The following RNF130 variants were observed in gnomAD, a reference collection of about 807,000 sequenced individuals.
RNF130 encodes E3 ubiquitin-protein ligase RNF130.
A neutral mutation model predicts 44.6 loss-of-function variants in RNF130; 21 were observed. That is an observed-to-expected ratio of 0.47 (90% CI 0.33 to 0.68). The LOEUF is 0.68. RNF130 is among the 30% of genes least tolerant of loss of function. RNF130 has a pLI of 0.02. For synonymous variants in RNF130, 214 were observed against 210.4 expected, an observed-to-expected ratio of 1.02 and a Z score of -0.15; for missense variants, 479 against 560.6, an observed-to-expected ratio of 0.85 and a Z score of 1.47.
Position 179,963,543 on chromosome 5 carries a change from C to T in RNF130, c.1172G>A (p.Ser391Asn). 6.2e-7 allele frequency: 1 copy of T among 1,613,666 alleles called. No homozygotes were observed. The highest frequency in any genetic ancestry group is 8.5e-7 in the Non-Finnish European group (1 of 1,179,582). ...AVTKEWFIIA[S>N]FGLLSALTLC... is the part of the protein sequence containing the mutation. Reference sequence around the variant, plus strand: ...TGTGAGGGCACTGAGGAGGCCAAAACTGGCAATAATAAACCATTCTTCTGT... The same window carrying T: ...TGTGAGGGCACTGAGGAGGCCAAAATTGGCAATAATAAACCATTCTTCTGT... Residue 391 changes from serine to asparagine, a missense_variant, in exon 8 of 9, where the codon AGT becomes AAT. By Grantham distance (46) the Ser-to-Asn change is conservative (BLOSUM62 1). This residue lies in a region of RNF130 where 161 missense variants were observed against 158.6 expected (regional missense o/e 1.02). Transcript: ENST00000521389.
At chr5:179,992,280 T>C (rs536638499) in intron 3 of RNF130, among the ~76,000 whole-genome samples, 1 of 152,196 alleles carries the variant, frequency 6.6e-6, no homozygotes, top group Non-Finnish European at 1.5e-5. Context: ...TAGCTGGGAC[T>C]ACAGGCACCC....
intron 7 of RNF130, among the ~76,000 whole-genome samples, chr5:179,937,409 A>G (rs1329457346): frequency 6.6e-6 from 1 of 152,248 alleles, no homozygotes; most frequent in Admixed American, 6.5e-5. Flanking sequence ...AATTCTCCAA[A>G]GAAGATGTAT....
chr5:180,055,439 TTTG>T (rs1214508455), intron 1 of RNF130, among the ~76,000 whole-genome samples: 5 of 57,644 alleles, frequency 8.7e-5, no homozygotes, highest in African/African-American at 2.9e-4. Context: ...GTCAGATGAC[TTTG>T]TGTGTGTGTG....
At chr5:180,062,818 T>C (rs1469042953) in intron 1 of RNF130, among the ~76,000 whole-genome samples, 1 of 152,242 alleles carries the variant, frequency 6.6e-6, no homozygotes, top group African/African-American at 2.4e-5. Context: ...ACTTGTTGAC[T>C]ACTAATGGCC....
At chr5:179,981,083 G>A (rs1561679375) in intron 3 of RNF130, among the ~76,000 whole-genome samples, 1 of 152,138 alleles carries the variant, frequency 6.6e-6, no homozygotes, top group Non-Finnish European at 1.5e-5. Flanking sequence ...TGGGAAAGGC[G>A]TAGGGTTAGG....
At chr5:180,020,819 G>GCTCT (rs1428517482) in intron 2 of RNF130, among the ~76,000 whole-genome samples, 4 of 152,154 alleles carry the variant, frequency 2.6e-5, no homozygotes, top group African/African-American at 9.7e-5. Flanking sequence ...AAGAAGACAA[G>GCTCT]CCACCAATCA....
At chr5:180,060,339 C>T (rs1032398165) in intron 1 of RNF130, among the ~76,000 whole-genome samples, 4 of 152,210 alleles carry the variant, frequency 2.6e-5, no homozygotes, top group African/African-American at 9.6e-5. Flanking sequence ...CTTTTCCTTC[C>T]GTGCAGTGGC....
intron 3 of RNF130, among the ~76,000 whole-genome samples, chr5:179,988,579 G>A (rs191158001): frequency 6.6e-6 from 1 of 151,850 alleles, no homozygotes; most frequent in Non-Finnish European, 1.5e-5. Context: ...GCTGTATCTT[G>A]TAGGTTTTGG....
At chr5:179,947,609 C>G (rs1041443333) in intron 7 of RNF130, among the ~76,000 whole-genome samples, 1 of 152,182 alleles carries the variant, frequency 6.6e-6, no homozygotes, top group Non-Finnish European at 1.5e-5. Flanking sequence ...AGCCTGTTTC[C>G]TCATCTGTAA....
chr5:180,046,299 T>C (rs1413962634), intron 1 of RNF130, among the ~76,000 whole-genome samples: 1 of 151,954 alleles, frequency 6.6e-6, no homozygotes, highest in Non-Finnish European at 1.5e-5. Flanking sequence ...AGTGCAGTGG[T>C]GGGCTGAAGG....
At chr5:180,063,544 A>G (rs539244512) in intron 1 of RNF130, among the ~76,000 whole-genome samples, 1 of 152,334 alleles carries the variant, frequency 6.6e-6, no homozygotes, top group South Asian at 2.1e-4. Context: ...TAAAGATACC[A>G]ATAGGAAGCC....
chr5:179,981,293 G>C (rs910332086), intron 3 of RNF130, among the ~76,000 whole-genome samples: 4 of 152,196 alleles, frequency 2.6e-5, no homozygotes, highest in Non-Finnish European at 5.9e-5. Context: ...GACTGTCCCA[G>C]GCACATCAGG....
chr5:179,998,857 T>TATATATATATATATATATCTATGTATATA (rs1554103671), intron 3 of RNF130, among the ~76,000 whole-genome samples: 1 of 65,232 alleles, frequency 1.5e-5, no homozygotes. Context: ...ATCTAGTATT[T>TATATATATATATATATATCTATGTATATA]TTTATATATA....
At chr5:180,052,479 G>C (rs185946295) in intron 1 of RNF130, among the ~76,000 whole-genome samples, 345 of 152,312 alleles carry the variant, frequency 2.3e-3, no homozygotes, top group African/African-American at 8.0e-3. Flanking sequence ...CCAGAGCAGC[G>C]CCTGAAGGCA....
chr5:180,044,837 A>C (rs1764519817), intron 1 of RNF130, among the ~76,000 whole-genome samples: 1 of 152,018 alleles, frequency 6.6e-6, no homozygotes. Flanking sequence ...GTCTCAAAAA[A>C]AAAAAATAAA....
At chr5:180,064,912 T>C (rs1765065739) in intron 1 of RNF130, among the ~76,000 whole-genome samples, 1 of 78,846 alleles carries the variant, frequency 1.3e-5, no homozygotes, top group Non-Finnish European at 2.4e-5. Context: ...AGTCCTGAAC[T>C]AGGATTCCAC....
intron 2 of RNF130, among the ~76,000 whole-genome samples, chr5:180,033,115 A>G (rs1764168342): frequency 6.6e-6 from 1 of 152,020 alleles, no homozygotes; most frequent in South Asian, 2.1e-4. Context: ...CTGGGACCAC[A>G]GGTGAATACT....
At chr5:179,971,730 T>C (rs184885014) in intron 5 of RNF130, among the ~76,000 whole-genome samples, 15 of 152,346 alleles carry the variant, frequency 9.8e-5, no homozygotes, top group East Asian at 3.9e-4. Context: ...CTTTACAACT[T>C]TGATTGTCAA....
chr5:180,018,578 TG>T (rs1178548028), intron 2 of RNF130, among the ~76,000 whole-genome samples: 1 of 152,156 alleles, frequency 6.6e-6, no homozygotes, highest in Non-Finnish European at 1.5e-5. Context: ...GAGATTTGGG[TG>T]GGGACACAGA....
Sources: gnomAD v4.1 joint callset for allele counts (sites outside exome capture counted in the v4.1 genomes callset) on GRCh38, gnomAD v4.1.1 for gene constraint, gnomAD v4.1.1 regional missense constraint, MANE v1.5 for transcripts, NCBI Gene and HGNC (gene_info 2026-07-23, HGNC 2026-07-21) for gene names.